The following GOLGB1 variants were observed in gnomAD, a reference collection of about 807,000 sequenced individuals.
GOLGB1 encodes golgin subfamily B member 1.
GOLGB1 carries 174 observed loss-of-function variants against 336.9 expected under a neutral mutation model. The ratio of observed to expected loss-of-function variants is 0.52; its 90% CI spans 0.46 to 0.59. The LOEUF is 0.59. GOLGB1 is among the 20% of genes least tolerant of loss of function. The probability of loss-of-function intolerance (pLI) is 0.00; values close to 1 mark genes in which losing one functional copy is unlikely to be tolerated. For synonymous variants in GOLGB1, 1,208 were observed against 1,289.2 expected (o/e 0.94, Z 1.35); for missense variants, 3,331 against 3,645.3 (o/e 0.91, Z 2.22).
chr3:121,669,446 A>C (rs1172434696), intron 17 of GOLGB1, 91 bp from the exon 18 acceptor site: 1 of 997,978 alleles, frequency 1.0e-6, no homozygotes, highest in Non-Finnish European at 1.5e-6. Context: ...TAATTTTCCT[A>C]TGGAAGACCT....
chr3:121,693,613 G>A lies in GOLGB1; in HGVS notation c.6782+128C>T, dbSNP rs556308071. The A allele has an allele frequency of 1.0e-4, 71 of 695,496 alleles. No homozygotes were observed. The African/African-American group carries it at 1.1e-3, about 11-fold the overall frequency. 43.1% of individuals were successfully genotyped at this position (695,496 alleles called of 1,614,324 possible). A position where few individuals can be genotyped will look rare whatever the true frequency, so the allele number is the denominator to read the frequency against. On this transcript the variant is annotated intron_variant, in intron 13 of 21. Transcript: ENST00000614479. Reference sequence around the variant, plus strand: ...TGCCAAAAAAAAGTCAGAAGTGAGAGAGAATATATCTTCCATGGACATTTA... The same window carrying A: ...TGCCAAAAAAAAGTCAGAAGTGAGAAAGAATATATCTTCCATGGACATTTA...
At chr3:121,749,561 G>A (rs867327145) in intron 1 of GOLGB1, 71 bp downstream of exon 1, 1 of 152,362 alleles carries the variant, frequency 6.6e-6, no homozygotes. Context: ...GGCAGCTCCC[G>A]CGGCCCCTCT....
In GOLGB1 at chr3:121,744,441, CAAAAAAAA is replaced by C. The variant is rs11290154; in HGVS notation, c.-3+5183_-3+5190del. Among the ~76,000 whole-genome samples, 117 of 73,076 alleles carry C rather than the reference CAAAAAAAA, an allele frequency of 1.6e-3. 2 individuals carry two copies. The highest frequency in any genetic ancestry group is 9.8e-3 in the South Asian group (22 of 2,236). 47.9% of individuals were successfully genotyped at this position (73,076 alleles called of 152,430 possible). A position where few individuals can be genotyped will look rare whatever the true frequency, so the allele number is the denominator to read the frequency against. ...GAGCAACATAGTGAGACTGTCTCTA[CAAAAAAAA>C]AAAAAAAAAAAAAAATTTAATTAGC... On this transcript the variant is annotated intron_variant, in intron 1 of 21. Coordinates refer to ENST00000614479, the MANE Select transcript of GOLGB1 (RefSeq NM_001366282.2).
chr3:121,700,127 T>C (rs544263499), intron 11 of GOLGB1, among the ~76,000 whole-genome samples: 30 of 152,142 alleles, frequency 2.0e-4, no homozygotes, highest in Admixed American at 4.6e-4. Flanking sequence ...AGTGGAAGGT[T>C]TGAAAGGAGA....
At chr3:121,701,419 C>T (rs1047841374) in intron 11 of GOLGB1, among the ~76,000 whole-genome samples, 144 of 152,260 alleles carry the variant, frequency 9.5e-4, no homozygotes, top group African/African-American at 3.2e-3. Flanking sequence ...AGTGCATAAG[C>T]TTCCATTTAG....
chr3:121,730,932 G>A lies in GOLGB1; in HGVS notation c.40C>T (p.His14Tyr). 1 of 1,613,304 alleles carries A rather than the reference G, an allele frequency of 6.2e-7. No homozygotes were observed. The highest frequency in any genetic ancestry group is 1.3e-5 in the African/African-American group (1 of 75,016). The change falls in exon 2 of 22, where the codon CAT (histidine) becomes TAT (tyrosine). Residue 14 changes from histidine to tyrosine, a missense_variant. Transcript: ENST00000614479. ...GTGTCATCATCTCCTGATAATTCAT[G>A]CAAAACAACATTTGCTAATCCTGAT... ...RLSGLANVVL[H>Y]ELSGDDDTDQ... is the part of the protein sequence containing the mutation.
chr3:121,727,895 G>A (rs1002577640), intron 4 of GOLGB1, among the ~76,000 whole-genome samples: 9 of 152,090 alleles, frequency 5.9e-5, no homozygotes, highest in East Asian at 5.8e-4. Context: ...ATAGTTAAAG[G>A]GTTGCTATGA....
chr3:121,674,883 C>T (rs1026737900), intron 17 of GOLGB1, among the ~76,000 whole-genome samples: 2 of 140,166 alleles, frequency 1.4e-5, no homozygotes, highest in Non-Finnish European at 3.0e-5. Flanking sequence ...GGCCGGACTG[C>T]GGACTGCAGT....
At position 121,693,791 on chromosome 3, in the gene GOLGB1, T is replaced by C. The variant is rs747829115; in HGVS notation, c.6732A>G (p.Gln2244=). ...KEDNCSVLKD[Q]LRQMSIHMEE... is the part of the protein sequence containing the mutation. ...CCATATGGATGGACATCTGTCTAAG[T>C]TGATCCTTTAGAACACTGCAATTAT... The change falls in exon 13 of 22, where the codon CAA becomes CAG. Residue 2244 remains glutamine, a synonymous_variant. Coordinates refer to ENST00000614479, the MANE Select transcript of GOLGB1 (RefSeq NM_001366282.2). The C allele has an allele frequency of 6.8e-6, 11 of 1,610,588 alleles. No homozygotes were observed. The highest frequency in any genetic ancestry group is 1.3e-5 in the African/African-American group (1 of 74,878).
intron 20 of GOLGB1, among the ~76,000 whole-genome samples, chr3:121,665,371 C>T (rs543505105): frequency 5.9e-5 from 9 of 152,060 alleles, no homozygotes; most frequent in African/African-American, 1.9e-4. Context: ...TTGCCCATGG[C>T]GGCACAGCCA....
At position 121,693,852 on chromosome 3, in the gene GOLGB1, A is replaced by C; in HGVS notation, c.6671T>G (p.Ile2224Ser). Reference protein sequence around the residue: ...KKWERKFSDAIQSKEEEIRLK... With the variant: ...KKWERKFSDASQSKEEEIRLK... ...TCTAATTTCTTCTTCTTTGCTTTGA[A>C]TCGCATCACTAAACTTCCTCTCCCA... is the stretch of plus-strand genomic sequence containing the variant. Residue 2224 changes from isoleucine to serine, a missense_variant, in exon 13 of 22, where the codon ATT (isoleucine) becomes AGT (serine). Ile to Ser is a moderately radical substitution (Grantham distance 142). Coordinates refer to ENST00000614479, the MANE Select transcript of GOLGB1 (RefSeq NM_001366282.2). The C allele has an allele frequency of 6.2e-7, 1 of 1,613,790 alleles. No homozygotes were observed. The highest frequency in any genetic ancestry group is 2.2e-5 in the East Asian group (1 of 44,880).
In GOLGB1 at chr3:121,702,612, C is replaced by A; in HGVS notation, c.1405-17G>T. The A allele has an allele frequency of 4.0e-6, 5 of 1,238,558 alleles. No homozygotes were observed. Among genetic ancestry groups the A allele is most frequent in the Non-Finnish European group, 5.5e-6 (5 of 904,594 alleles). The allele number at this position is 1,238,558 out of a possible 1,614,324, so 76.7% of individuals were successfully genotyped here. ...AGTGACTGCCTAAATTGTAGAAAGA[C>A]AACAAATTAATGATTCTCCAGCAGA... is the stretch of plus-strand genomic sequence containing the variant. On this transcript the variant is annotated splice_polypyrimidine_tract_variant and intron_variant, in intron 10 of 21. Coordinates refer to ENST00000614479, the MANE Select transcript of GOLGB1 (RefSeq NM_001366282.2).
chr3:121,719,974 C>T (rs752624970), intron 6 of GOLGB1, among the ~76,000 whole-genome samples: 18 of 152,154 alleles, frequency 1.2e-4, no homozygotes, highest in Non-Finnish European at 1.2e-4. Flanking sequence ...TTTTCAAATT[C>T]AGAAGTTAGC....
chr3:121,745,301 T>G lies in GOLGB1; in HGVS notation c.-3+4331A>C, dbSNP rs568649540. Among the ~76,000 whole-genome samples, 212 of 150,010 alleles carry G rather than the reference T, an allele frequency of 1.4e-3. 2 individuals carry two copies. Among genetic ancestry groups the G allele is most frequent in the African/African-American group, 4.8e-3 (194 of 40,708 alleles). ...GTATATATACATATGTATACGTGTA[T>G]GTATATATACATATGTACACGTGTA... On this transcript the variant is annotated intron_variant, in intron 1 of 21. Transcript: ENST00000614479.
intron 1 of GOLGB1, among the ~76,000 whole-genome samples, chr3:121,736,732 G>A (rs528611300): frequency 8.5e-5 from 13 of 152,066 alleles, no homozygotes; most frequent in Non-Finnish European, 1.2e-4. Flanking sequence ...GTGAAACTCC[G>A]TCTCTACTAA....
intron 14 of GOLGB1, among the ~76,000 whole-genome samples, chr3:121,686,473 A>G (rs188842943): frequency 1.7e-4 from 26 of 152,144 alleles, no homozygotes; most frequent in African/African-American, 6.3e-4. Context: ...AATTGTTTAT[A>G]TCTTTATATG....
chr3:121,684,647 T>C (rs534201341), intron 14 of GOLGB1, among the ~76,000 whole-genome samples: 21 of 152,316 alleles, frequency 1.4e-4, no homozygotes, highest in African/African-American at 4.8e-4. Flanking sequence ...AACCAATGTC[T>C]TCACAATTTT....
At chr3:121,692,692 A>C in intron 13 of GOLGB1, 111 bp from the exon 14 acceptor site, 1 of 617,858 alleles carries the variant, frequency 1.6e-6, no homozygotes, top group Non-Finnish European at 2.8e-6. Flanking sequence ...ATTAACATTC[A>C]TAACAGGTGT....
intron 10 of GOLGB1, among the ~76,000 whole-genome samples, chr3:121,706,438 T>C (rs1344456200): frequency 6.6e-6 from 1 of 151,798 alleles, no homozygotes; most frequent in Non-Finnish European, 1.5e-5. Flanking sequence ...GATTTCTTAT[T>C]AAAAACAAAA....
Sources: allele counts gnomAD v4.1 joint callset (sites outside exome capture counted in the v4.1 genomes callset), GRCh38; gene constraint gnomAD v4.1.1; transcripts MANE v1.5; gene names NCBI Gene and HGNC (gene_info 2026-07-23, HGNC 2026-07-21).